NFIB: variants seen among roughly 807,000 people sequenced by gnomAD.
NFIB encodes nuclear factor I B.
NFIB carries 11 observed loss-of-function variants against 61.5 expected under a neutral mutation model. The ratio of observed to expected loss-of-function variants is 0.18; its 90% CI spans 0.11 to 0.30. The LOEUF is 0.30. NFIB is among the 10% of genes least tolerant of loss of function. The pLI is 1.00. For missense variants in NFIB, 471 were observed against 608.9 expected, an observed-to-expected ratio of 0.77 and a Z score of 2.38; for synonymous variants, 260 against 216.5, an observed-to-expected ratio of 1.20 and a Z score of -1.76.
At chr9:14,099,939 G>C (rs1007004314) in intron 10 of NFIB, among the ~76,000 whole-genome samples, 1 of 152,178 alleles carries the variant, frequency 6.6e-6, no homozygotes, top group African/African-American at 2.4e-5. Flanking sequence ...GGGCGTGGCA[G>C]TGCACGCCTG....
At chr9:14,247,843 G>C (rs981872749) in intron 2 of NFIB, among the ~76,000 whole-genome samples, 3 of 151,832 alleles carry the variant, frequency 2.0e-5, no homozygotes, top group African/African-American at 7.3e-5. Flanking sequence ...CAGGAACAGG[G>C]TGTTCTTATT....
chr9:14,494,426 C>A, the NFIB span, among the ~76,000 whole-genome samples: 1 of 152,184 alleles, frequency 6.6e-6, no homozygotes, highest in African/African-American at 2.4e-5. Flanking sequence ...TTTCTATTTT[C>A]CACCAGCACT....
At chr9:14,396,287 A>C (rs2061686340) in intron 1 of NFIB, among the ~76,000 whole-genome samples, 1 of 151,942 alleles carries the variant, frequency 6.6e-6, no homozygotes. Flanking sequence ...ACACTTCCAT[A>C]TAGTTGAAAA....
intron 2 of NFIB, among the ~76,000 whole-genome samples, chr9:14,201,586 G>A (rs2049035636): frequency 1.3e-5 from 2 of 152,226 alleles, no homozygotes; most frequent in Admixed American, 1.3e-4. Context: ...GGCCCACATG[G>A]TCTTGCTCAC....
At chr9:14,336,572 C>A (rs2060888013) in intron 1 of NFIB, among the ~76,000 whole-genome samples, 1 of 152,206 alleles carries the variant, frequency 6.6e-6, no homozygotes. Context: ...TATAATCTCA[C>A]TTCTAGAGAT....
rs1191523637 is a variant in NFIB, at chr9:14,081,903, G to A, written c.*6406C>T. ...CAGTTTTTGCATAGGAAATATATCC[G>A]CTTCCAGTAATTGACTGCAGTATGA... On this transcript the variant is annotated 3_prime_UTR_variant, in exon 11 of 11. Transcript: ENST00000380953. 1 of 193,650 alleles carries A rather than the reference G, an allele frequency of 5.2e-6. No homozygotes were observed. The highest frequency in any genetic ancestry group is 1.1e-5 in the Non-Finnish European group (1 of 92,506). The allele number at this position is 193,650 out of a possible 1,614,324, so 12.0% of individuals were successfully genotyped here. A position where few individuals can be genotyped will look rare whatever the true frequency, so the allele number is the denominator to read the frequency against.
chr9:14,355,276 A>G (rs1213598681), intron 1 of NFIB, among the ~76,000 whole-genome samples: 1 of 152,198 alleles, frequency 6.6e-6, no homozygotes, highest in Non-Finnish European at 1.5e-5. Flanking sequence ...TGATTAGGAC[A>G]CAGACATGTA....
the NFIB span, among the ~76,000 whole-genome samples, chr9:14,466,903 T>G: frequency 6.6e-6 from 1 of 152,260 alleles, no homozygotes. Context: ...GACCTCTATT[T>G]GCCTGAAAAC....
chr9:14,085,842 C>G lies in NFIB; in HGVS notation c.*2467G>C, dbSNP rs1030085752. ...CCCTCCAACAGGTCTAATGTGTTTT[C>G]TAGGAGAAAGAATATTCATGTGTTA... is the stretch of plus-strand genomic sequence containing the variant. On this transcript the variant is annotated 3_prime_UTR_variant, in exon 11 of 11. Coordinates refer to ENST00000380953, the MANE Select transcript of NFIB (RefSeq NM_001190737.2). The G allele has an allele frequency of 4.5e-6, 1 of 222,188 alleles. No homozygotes were observed. The highest frequency in any genetic ancestry group is 5.8e-5 in the Admixed American group (1 of 17,352). 13.8% of individuals were successfully genotyped at this position (222,188 alleles called of 1,614,324 possible).
intron 1 of NFIB, among the ~76,000 whole-genome samples, chr9:14,311,591 G>A (rs1254465581): frequency 1.3e-5 from 2 of 152,132 alleles, no homozygotes; most frequent in Non-Finnish European, 2.9e-5. Context: ...TGTGATAGCT[G>A]AATGATTATG....
intron 2 of NFIB, among the ~76,000 whole-genome samples, chr9:14,214,093 C>T (rs1217885196): frequency 5.9e-5 from 9 of 152,146 alleles, no homozygotes; most frequent in Non-Finnish European, 1.2e-4. Flanking sequence ...CTCTGCTCCC[C>T]AAATAGGCCA....
intron 2 of NFIB, among the ~76,000 whole-genome samples, chr9:14,295,503 C>A (rs757753951): frequency 1.3e-5 from 2 of 151,630 alleles, no homozygotes; most frequent in Non-Finnish European, 2.9e-5. Context: ...TGGGGAAGGG[C>A]GCCTGTAGTC....
chr9:14,270,187 A>C (rs2132318095), intron 2 of NFIB, among the ~76,000 whole-genome samples: 1 of 152,332 alleles, frequency 6.6e-6, no homozygotes, highest in South Asian at 2.1e-4. Context: ...AAGGGAAAAC[A>C]AAACTTTGTC....
At chr9:14,193,561 C>T (rs181790630) in intron 2 of NFIB, among the ~76,000 whole-genome samples, 14 of 152,240 alleles carry the variant, frequency 9.2e-5, no homozygotes, top group East Asian at 3.9e-4. Context: ...TAAGTCCCCA[C>T]TGGACATGAG....
At chr9:14,444,122 G>A in the NFIB span, among the ~76,000 whole-genome samples, 3 of 152,142 alleles carry the variant, frequency 2.0e-5, no homozygotes, top group Non-Finnish European at 4.4e-5. Context: ...CATATTTGAT[G>A]TGTCAGTTTG....
At chr9:14,208,410 G>A (rs757939327) in intron 2 of NFIB, among the ~76,000 whole-genome samples, 8 of 152,052 alleles carry the variant, frequency 5.3e-5, no homozygotes, top group Non-Finnish European at 8.8e-5. Context: ...TTATTCTCAC[G>A]TCTACTTGTG....
chr9:14,414,585 T>G, the NFIB span, among the ~76,000 whole-genome samples: 5 of 150,996 alleles, frequency 3.3e-5, no homozygotes, highest in Admixed American at 3.3e-4. Flanking sequence ...TGTTTCAGCT[T>G]CCTTGTCTGT....
intron 4 of NFIB, among the ~76,000 whole-genome samples, chr9:14,153,539 C>A (rs1179710831): frequency 6.6e-6 from 1 of 152,082 alleles, no homozygotes; most frequent in Admixed American, 6.6e-5. Flanking sequence ...TAGAGGCCAA[C>A]CTTTAATCTC....
upstream of NFIB, among the ~76,000 whole-genome samples, chr9:14,400,599 C>T (rs2061733279): frequency 1.3e-5 from 2 of 152,160 alleles, no homozygotes; most frequent in African/African-American, 2.4e-5. Flanking sequence ...CAACCAAAAT[C>T]GAAAGCAAAC....
Sources: gnomAD v4.1 joint callset for allele counts (sites outside exome capture counted in the v4.1 genomes callset) on GRCh38, gnomAD v4.1.1 for gene constraint, MANE v1.5 for transcripts, NCBI Gene and HGNC (gene_info 2026-07-23, HGNC 2026-07-21) for gene names.